CFDP1: variants seen among roughly 807,000 people sequenced by gnomAD.
The protein encoded by CFDP1 is heterochromatin-stabilizing protein CFDP1.
CFDP1 carries 31 observed loss-of-function variants against 40.1 expected under a neutral mutation model. The observed-to-expected ratio is 0.77, with a 90% CI of 0.58 to 1.04. The LOEUF (loss-of-function observed/expected upper bound fraction) is 1.04. Ranked by LOEUF, CFDP1 falls within the 50% of genes least tolerant of loss-of-function variation. The pLI is 0.00. For missense variants in CFDP1, 423 were observed against 343.4 expected, an observed-to-expected ratio of 1.23 and a Z score of -1.83; for synonymous variants, 167 against 120.0, an observed-to-expected ratio of 1.39 and a Z score of -2.56.
chr16:75,333,519 G>T (rs945664498), intron 5 of CFDP1, among the ~76,000 whole-genome samples: 1 of 152,218 alleles, frequency 6.6e-6, no homozygotes, highest in Non-Finnish European at 1.5e-5. Flanking sequence ...TAATGTCACA[G>T]ATTTGAAGAA....
At chr16:75,367,319 G>A (rs140521651) in intron 5 of CFDP1, among the ~76,000 whole-genome samples, 12 of 151,720 alleles carry the variant, frequency 7.9e-5, no homozygotes, top group East Asian at 7.7e-4. Flanking sequence ...TAGCTAATGC[G>A]TGCTGGGTTT....
intron 5 of CFDP1, among the ~76,000 whole-genome samples, chr16:75,326,424 A>C (rs879577750): frequency 1.3e-5 from 2 of 152,220 alleles, no homozygotes; most frequent in African/African-American, 4.8e-5. Flanking sequence ...ATCTGCCAGA[A>C]AGAATTAATT....
At chr16:75,366,016 C>A (rs1211688105) in intron 5 of CFDP1, among the ~76,000 whole-genome samples, 1 of 152,158 alleles carries the variant, frequency 6.6e-6, no homozygotes, top group Non-Finnish European at 1.5e-5. Flanking sequence ...TACCAGCCAG[C>A]ATATTTCACT....
Position 75,333,181 on chromosome 16 carries a change from T to G in CFDP1, c.651-27999A>C, listed in dbSNP as rs2078460239. Among the ~76,000 whole-genome samples the G allele has an allele frequency of 4.7e-5, 7 of 148,006 alleles. No individual in the cohort carries two copies. In the South Asian group the frequency reaches 1.5e-3, roughly 31 times the overall value. On this transcript the variant is annotated intron_variant, in intron 5 of 6. Coordinates refer to ENST00000283882, the MANE Select transcript of CFDP1 (RefSeq NM_006324.3). ...CTCTGTCGCCCAGGCTGGAGTGCAG[T>G]GGCGCGATCTCAGCTCACTGCAAGC...
At chr16:75,359,951 C>G (rs1440517432) in intron 5 of CFDP1, among the ~76,000 whole-genome samples, 1 of 152,206 alleles carries the variant, frequency 6.6e-6, no homozygotes, top group Non-Finnish European at 1.5e-5. Flanking sequence ...TGAGAGACAA[C>G]AGCAGTGCAG....
intron 1 of CFDP1, among the ~76,000 whole-genome samples, chr16:75,415,473 C>T (rs776628936): frequency 1.8e-4 from 27 of 152,220 alleles, no homozygotes; most frequent in Non-Finnish European, 3.7e-4. Context: ...GCTCGAGGAA[C>T]TGAACATTAG....
chr16:75,427,439 G>C (rs1345369987), intron 1 of CFDP1, among the ~76,000 whole-genome samples: 3 of 152,046 alleles, frequency 2.0e-5, no homozygotes, highest in Middle Eastern at 3.2e-3. Flanking sequence ...TTTTAGTAGA[G>C]ACAGGGTTTC....
chr16:75,383,364 C>T (rs1481882753), intron 5 of CFDP1, among the ~76,000 whole-genome samples: 1 of 152,180 alleles, frequency 6.6e-6, no homozygotes, highest in Non-Finnish European at 1.5e-5. Context: ...GAAATAGCAG[C>T]AAGTTGCCTT....
rs748454996 is a variant in CFDP1 at position 75,309,319 on chromosome 16, C to T, written c.651-4137G>A. ...TACATGAACCAGGCTTTCAGGAAGC[C>T]GAGGCGGGAGAGAATCAGTCTCTGG... On this transcript the variant is annotated intron_variant, in intron 5 of 6. Coordinates refer to ENST00000283882, the MANE Select transcript of CFDP1 (RefSeq NM_006324.3). Among the ~76,000 whole-genome samples, 14 of 152,216 alleles carry T rather than the reference C, an allele frequency of 9.2e-5. 1 individual carries two copies. The highest frequency in any genetic ancestry group is 1.3e-4 in the Admixed American group (2 of 15,284).
intron 4 of CFDP1, among the ~76,000 whole-genome samples, chr16:75,408,651 C>G (rs1657352816): frequency 6.6e-6 from 1 of 151,732 alleles, no homozygotes; most frequent in African/African-American, 2.4e-5. Flanking sequence ...TGGCAGGCAC[C>G]TGTAATCCCA....
chr16:75,330,012 G>A (rs989208237), intron 5 of CFDP1, among the ~76,000 whole-genome samples: 3 of 152,096 alleles, frequency 2.0e-5, no homozygotes, highest in African/African-American at 7.2e-5. Flanking sequence ...ACGTGCTTTA[G>A]AATCCCCAGA....
chr16:75,317,883 G>T (rs2078334137), intron 5 of CFDP1, among the ~76,000 whole-genome samples: 1 of 152,086 alleles, frequency 6.6e-6, no homozygotes, highest in South Asian at 2.1e-4. Flanking sequence ...GGCTGAGGTG[G>T]GTAGATTACC....
At chr16:75,416,486 A>C (rs1215669231) in intron 1 of CFDP1, among the ~76,000 whole-genome samples, 15 of 148,744 alleles carry the variant, frequency 1.0e-4, no homozygotes, top group Non-Finnish European at 1.9e-4. Flanking sequence ...AAAAAGGTAA[A>C]CCAGTGGCTC....
chr16:75,419,701 C>T (rs971060304), intron 1 of CFDP1, among the ~76,000 whole-genome samples: 4 of 151,986 alleles, frequency 2.6e-5, no homozygotes, highest in East Asian at 1.9e-4. Flanking sequence ...AACAGTCTGC[C>T]GTAAAGAAGC....
intron 5 of CFDP1, among the ~76,000 whole-genome samples, chr16:75,354,204 T>C (rs547176144): frequency 3.2e-4 from 48 of 152,240 alleles, no homozygotes; most frequent in East Asian, 1.5e-3. Context: ...CAAGCTTTGA[T>C]GTTTGGTAGG....
intron 5 of CFDP1, among the ~76,000 whole-genome samples, chr16:75,320,978 G>C (rs1174418704): frequency 2.0e-5 from 3 of 152,028 alleles, no homozygotes; most frequent in Non-Finnish European, 4.4e-5. Flanking sequence ...TTCTCAGCTA[G>C]TATTTTTTTT....
Position 75,402,991 on chromosome 16 carries a change from TATGTAATTC to T in CFDP1, c.531-7791_531-7783del, listed in dbSNP as rs1197617729. Among the ~76,000 whole-genome samples the T allele has an allele frequency of 2.1e-4, 32 of 152,282 alleles. 1 individual carries two copies. The South Asian group carries it at 6.0e-3, about 29-fold the overall frequency. ...TTGAAATATAAAATGTATGTGACAG[TATGTAATTC>T]ATATGAAAAAAGGGCTTCCATACTC... On this transcript the variant is annotated intron_variant, in intron 4 of 6. Coordinates refer to ENST00000283882, the MANE Select transcript of CFDP1 (RefSeq NM_006324.3).
chr16:75,426,480 A>G (rs2079343920), intron 1 of CFDP1, among the ~76,000 whole-genome samples: 1 of 152,032 alleles, frequency 6.6e-6, no homozygotes, highest in South Asian at 2.1e-4. Context: ...CCATAATAGA[A>G]AAATTTGACA....
At chr16:75,349,680 A>ATATATATATATATATATATATATATATAT (rs59380218) in intron 5 of CFDP1, among the ~76,000 whole-genome samples, 3 of 6,674 alleles carry the variant, frequency 4.5e-4, no homozygotes, top group African/African-American at 8.7e-4. Context: ...AAAAAAAAAA[A>ATATATATATATATATATATATATATATAT]AAAAAAAAAA....
Sources: allele counts gnomAD v4.1 joint callset (sites outside exome capture counted in the v4.1 genomes callset), GRCh38; gene constraint gnomAD v4.1.1; transcripts MANE v1.5; gene names NCBI Gene and HGNC (gene_info 2026-07-23, HGNC 2026-07-21).